The following MCTP1 variants were observed in gnomAD, a reference collection of about 807,000 sequenced individuals.
The protein encoded by MCTP1 is multiple C2 and transmembrane domain containing 1, also known as multiple C2 and transmembrane domain-containing protein 1.
MCTP1 carries 69 observed loss-of-function variants against 120.6 expected under a neutral mutation model. The ratio of observed to expected loss-of-function variants is 0.57; its 90% CI spans 0.47 to 0.70. MCTP1 has a LOEUF of 0.70. Among genes scored for constraint, MCTP1 ranks in the 30% least tolerant of loss-of-function variants. MCTP1 has a pLI of 0.00. For missense variants in MCTP1, 1,203 were observed against 1,248.8 expected, an observed-to-expected ratio of 0.96 and a Z score of 0.55; for synonymous variants, 529 against 493.1, an observed-to-expected ratio of 1.07 and a Z score of -0.96.
intron 17 of MCTP1, among the ~76,000 whole-genome samples, chr5:94,849,924 C>G (rs1047435344): frequency 6.6e-6 from 1 of 152,080 alleles, no homozygotes; most frequent in African/African-American, 2.4e-5. Context: ...GTCACAAAAA[C>G]AATGCTGGTC....
chr5:94,996,864 G>A (rs1352536688), intron 2 of MCTP1, among the ~76,000 whole-genome samples: 1 of 151,912 alleles, frequency 6.6e-6, no homozygotes, highest in Non-Finnish European at 1.5e-5. Context: ...TTATGACCAT[G>A]GTCAATTATT....
At chr5:94,740,080 G>A (rs938859154) in intron 19 of MCTP1, among the ~76,000 whole-genome samples, 4 of 152,202 alleles carry the variant, frequency 2.6e-5, no homozygotes, top group African/African-American at 9.6e-5. Flanking sequence ...TACACGTATT[G>A]GAAATATATG....
At chr5:94,780,133 C>T (rs1364347302) in intron 18 of MCTP1, among the ~76,000 whole-genome samples, 8 of 150,418 alleles carry the variant, frequency 5.3e-5, no homozygotes, top group Non-Finnish European at 1.2e-4. Context: ...TTTTTAAATT[C>T]CTGTGTCTTT....
chr5:94,779,203 G>A, intron 18 of MCTP1, 40 bp from the exon 19 acceptor site: 2 of 1,563,878 alleles, frequency 1.3e-6, no homozygotes, highest in Non-Finnish European at 1.8e-6. Context: ...TGCTCTTAAA[G>A]GAGAGAATTT....
intron 1 of MCTP1, among the ~76,000 whole-genome samples, chr5:95,197,999 A>G (rs1750582466): frequency 6.6e-6 from 1 of 152,136 alleles, no homozygotes; most frequent in Non-Finnish European, 1.5e-5. Flanking sequence ...CAAGAAAAAA[A>G]TGTCTGTACG....
Position 94,759,506 on chromosome 5 carries a change from ATAGT to A in MCTP1, c.2610+19600_2610+19603del, listed in dbSNP as rs536087888. Among the ~76,000 whole-genome samples, 812 of 152,360 alleles carry A rather than the reference ATAGT, an allele frequency of 5.3e-3. 8 individuals carry two copies. Among genetic ancestry groups the A allele is most frequent in the African/African-American group, 0.019 (780 of 41,590 alleles). On this transcript the variant is annotated intron_variant, in intron 19 of 22. Coordinates refer to ENST00000515393, the MANE Select transcript of MCTP1 (RefSeq NM_024717.7). ...TTAAAAATGTAATACTATACATATG[ATAGT>A]TATATATAAATAGTAACATTAAAAA...
At chr5:94,837,745 G>C (rs1440056743) in intron 17 of MCTP1, among the ~76,000 whole-genome samples, 1 of 152,176 alleles carries the variant, frequency 6.6e-6, no homozygotes, top group Non-Finnish European at 1.5e-5. Context: ...TCAGGGTGGA[G>C]ATGAGAGACG....
At chr5:95,106,265 G>A (rs761065761) in intron 1 of MCTP1, among the ~76,000 whole-genome samples, 3 of 152,174 alleles carry the variant, frequency 2.0e-5, no homozygotes, top group African/African-American at 7.2e-5. Flanking sequence ...GATACTAAAC[G>A]GTTCAGACCA....
At chr5:94,954,170 AT>A (rs1821869569) in intron 2 of MCTP1, among the ~76,000 whole-genome samples, 6 of 90,334 alleles carry the variant, frequency 6.6e-5, no homozygotes, top group African/African-American at 1.0e-4. Flanking sequence ...ATATATATAC[AT>A]ATATATATAT....
intron 12 of MCTP1, among the ~76,000 whole-genome samples, chr5:94,883,201 A>G (rs1800505820): frequency 6.6e-6 from 1 of 152,208 alleles, no homozygotes; most frequent in Non-Finnish European, 1.5e-5. Context: ...TTTATCATGT[A>G]CATGTATATA....
intron 1 of MCTP1, among the ~76,000 whole-genome samples, chr5:95,257,583 T>C (rs1244335184): frequency 6.6e-6 from 1 of 152,194 alleles, no homozygotes; most frequent in African/African-American, 2.4e-5. Context: ...CCTCAGATTA[T>C]AATGAACATT....
intron 17 of MCTP1, among the ~76,000 whole-genome samples, chr5:94,845,231 C>T (rs115436428): frequency 0.075 from 11,420 of 152,132 alleles, 1,248 homozygotes; most frequent in African/African-American, 0.24. Flanking sequence ...AAGTTCCACA[C>T]TGCTAGGGAG....
chr5:95,190,223 G>T (rs1451390920), intron 1 of MCTP1, among the ~76,000 whole-genome samples: 1 of 152,090 alleles, frequency 6.6e-6, no homozygotes, highest in Non-Finnish European at 1.5e-5. Flanking sequence ...TTGTGGAACT[G>T]CCATGGAAAT....
At chr5:94,883,776 T>G (rs574525360) in intron 12 of MCTP1, among the ~76,000 whole-genome samples, 75 of 152,350 alleles carry the variant, frequency 4.9e-4, no homozygotes, top group African/African-American at 1.7e-3. Context: ...AAAAGCAACT[T>G]AGCAACTTCT....
intron 1 of MCTP1, among the ~76,000 whole-genome samples, chr5:95,175,603 A>C (rs1747874524): frequency 6.6e-6 from 1 of 152,220 alleles, no homozygotes; most frequent in Non-Finnish European, 1.5e-5. Context: ...TCCACTTGCA[A>C]ATCAAATTCT....
chr5:95,080,674 C>A (rs1754708062), intron 1 of MCTP1, among the ~76,000 whole-genome samples: 1 of 152,108 alleles, frequency 6.6e-6, no homozygotes, highest in South Asian at 2.1e-4. Flanking sequence ...CAATATGAAG[C>A]CAAGACAACA....
At chr5:95,051,798 C>T (rs12514324) in intron 1 of MCTP1, among the ~76,000 whole-genome samples, 21,916 of 152,026 alleles carry the variant, frequency 0.14, 2,014 homozygotes, top group East Asian at 0.39. Context: ...AAAAAACAAA[C>T]ACAACATGTT....
chr5:95,039,986 C>T (rs1238951659), intron 1 of MCTP1, among the ~76,000 whole-genome samples: 2 of 151,384 alleles, frequency 1.3e-5, no homozygotes, highest in African/African-American at 4.8e-5. Flanking sequence ...AAAACTTCCT[C>T]ATAACAGCAT....
At chr5:94,779,048 A>G in intron 19 of MCTP1, 62 bp downstream of exon 19, 1 of 1,437,116 alleles carries the variant, frequency 7.0e-7, no homozygotes, top group Non-Finnish European at 9.8e-7. Context: ...CTGTCTGTGA[A>G]AACAGTGTCA....
Sources: gnomAD v4.1 joint callset for allele counts (sites outside exome capture counted in the v4.1 genomes callset) on GRCh38, gnomAD v4.1.1 for gene constraint, MANE v1.5 for transcripts, NCBI Gene and HGNC (gene_info 2026-07-23, HGNC 2026-07-21) for gene names.